Variants in RNFT2 observed in about 807,000 individuals in gnomAD.
RNFT2 encodes the protein E3 ubiquitin-protein ligase RNFT2.
In RNFT2, 36 loss-of-function variants were observed where a neutral mutation model predicts 53.0. The observed-to-expected ratio is 0.68, with a 90% CI of 0.52 to 0.90. The LOEUF (loss-of-function observed/expected upper bound fraction) is 0.90, where lower values mean the gene tolerates loss of function less well. Ranked by LOEUF, RNFT2 falls within the 40% of genes least tolerant of loss-of-function variation. The pLI is 0.00. For synonymous variants in RNFT2, 260 were observed against 253.2 expected, an observed-to-expected ratio of 1.03 and a Z score of -0.26; for missense variants, 514 against 585.6, an observed-to-expected ratio of 0.88 and a Z score of 1.26.
chr12:116,775,666 A>G (rs904825544), intron 6 of RNFT2, among the ~76,000 whole-genome samples: 4 of 152,266 alleles, frequency 2.6e-5, no homozygotes, highest in African/African-American at 9.6e-5. Flanking sequence ...GGAAGGCCAC[A>G]TGTCATAAGA....
At chr12:116,833,295 C>T (rs767647691) in intron 7 of RNFT2, among the ~76,000 whole-genome samples, 10 of 152,180 alleles carry the variant, frequency 6.6e-5, no homozygotes, top group Non-Finnish European at 1.3e-4. Flanking sequence ...AGGAAGGACA[C>T]GTATCTCCCC....
intron 5 of RNFT2, among the ~76,000 whole-genome samples, chr12:116,765,796 G>A (rs1395261184): frequency 6.6e-6 from 1 of 152,134 alleles, no homozygotes; most frequent in Non-Finnish European, 1.5e-5. Flanking sequence ...TATAAGCTTG[G>A]ATTTAATTCT....
intron 7 of RNFT2, among the ~76,000 whole-genome samples, chr12:116,799,279 C>G (rs1368928048): frequency 2.0e-5 from 3 of 152,218 alleles, no homozygotes; most frequent in African/African-American, 7.2e-5. Context: ...ATTTCTCTGA[C>G]TTCCTTTTCC....
chr12:116,759,282 T>A (rs575787105), intron 5 of RNFT2, among the ~76,000 whole-genome samples: 1 of 152,246 alleles, frequency 6.6e-6, no homozygotes, highest in African/African-American at 2.4e-5. Flanking sequence ...TATTTTGGAA[T>A]TCGTTGCACT....
rs2018152 is a variant in RNFT2 at position 116,851,609 on chromosome 12, G to A, written c.*2161G>A. The A allele has an allele frequency of 0.17, 103,803 of 599,830 alleles. 10,748 individuals are homozygous for A. The highest frequency in any genetic ancestry group is 0.36 in the East Asian group (13,048 of 36,226). The allele number at this position is 599,830 out of a possible 1,614,324, so 37.2% of individuals were successfully genotyped here. A position where few individuals can be genotyped will look rare whatever the true frequency, so the allele number is the denominator to read the frequency against. ...ACAAAAATTAGCCGGGCGCGGTGGC[G>A]GGTGCCTGTAATCCCAGCTACTCAG... is the stretch of plus-strand genomic sequence containing the variant. On this transcript the variant is annotated 3_prime_UTR_variant, in exon 11 of 11. Transcript: ENST00000257575.
chr12:116,778,889 A>C (rs568404875), intron 6 of RNFT2, among the ~76,000 whole-genome samples: 31 of 152,288 alleles, frequency 2.0e-4, no homozygotes, highest in African/African-American at 7.0e-4. Flanking sequence ...TTTCCTCTAT[A>C]AGTTACCCAG....
chr12:116,819,224 G>C (rs919931772), intron 7 of RNFT2, among the ~76,000 whole-genome samples: 8 of 152,228 alleles, frequency 5.3e-5, no homozygotes, highest in African/African-American at 1.4e-4. Context: ...CCAAATAAGA[G>C]AGCGGGGAGT....
chr12:116,775,770 C>T (rs774984251), intron 6 of RNFT2, among the ~76,000 whole-genome samples: 8 of 152,236 alleles, frequency 5.3e-5, no homozygotes, highest in Non-Finnish European at 7.3e-5. Flanking sequence ...AGGCTGGGCA[C>T]AGTGGCTCAC....
intron 5 of RNFT2, chr12:116,755,846 C>T (rs1872485343): frequency 1.3e-6 from 2 of 1,569,112 alleles, no homozygotes; most frequent in South Asian, 2.2e-5. Flanking sequence ...ATATCGGGTG[C>T]CTCTCCTCTT....
intron 6 of RNFT2, among the ~76,000 whole-genome samples, chr12:116,775,294 C>T (rs560798962): frequency 7.8e-6 from 1 of 127,980 alleles, no homozygotes; most frequent in South Asian, 2.7e-4. Context: ...GAGAGAAGAG[C>T]AACATAGCTG....
At position 116,833,891 on chromosome 12, in the gene RNFT2, A is replaced by G; in HGVS notation, c.982A>G (p.Asn328Asp). The G allele has an allele frequency of 3.7e-6, 6 of 1,613,140 alleles. No individual in the cohort carries two copies. Among genetic ancestry groups the G allele is most frequent in the Non-Finnish European group, 5.1e-6 (6 of 1,179,580 alleles). ...YKYIMGDDSSNSYFLGGVLIV... is the reference protein window; with the variant it reads ...YKYIMGDDSSDSYFLGGVLIV... ...ATACATCATGGGTGACGACTCCTCC[A>G]ACAGCTACTTCCTGGGCGGGGTCCT... The change falls in exon 8 of 11, where the codon AAC (asparagine) becomes GAC (aspartate). Residue 328 changes from asparagine to aspartate, a missense_variant. By Grantham distance (23) the Asn-to-Asp change is conservative (BLOSUM62 1). This residue lies in a region of RNFT2 where 273 missense variants were observed against 334.4 expected (regional missense o/e 0.82). Transcript: ENST00000257575.
intron 7 of RNFT2, among the ~76,000 whole-genome samples, chr12:116,819,099 A>T (rs1266451480): frequency 6.6e-6 from 1 of 152,020 alleles, no homozygotes; most frequent in Non-Finnish European, 1.5e-5. Context: ...AACTTCCTTC[A>T]CTCAGTGGCT....
At chr12:116,820,038 T>G (rs989585541) in intron 7 of RNFT2, among the ~76,000 whole-genome samples, 1 of 152,246 alleles carries the variant, frequency 6.6e-6, no homozygotes, top group Non-Finnish European at 1.5e-5. Context: ...CCTTTTGTTG[T>G]TTTTCTAAGA....
chr12:116,852,016 A>T lies in RNFT2; in HGVS notation c.*2568A>T. ...CCAGGGTAGTGGCATGGAGCACCGT[A>T]ACCATCTGTGCTTCTGTGATCTCTA... On this transcript the variant is annotated 3_prime_UTR_variant, in exon 11 of 11. Transcript: ENST00000257575. 1 of 1,349,732 alleles carries T rather than the reference A, an allele frequency of 7.4e-7. No individual in the cohort carries two copies. The highest frequency in any genetic ancestry group is 2.5e-5 in the East Asian group (1 of 40,098). 83.6% of individuals were successfully genotyped at this position (1,349,732 alleles called of 1,614,324 possible).
At chr12:116,848,750 G>C (rs1407703819) in intron 10 of RNFT2, among the ~76,000 whole-genome samples, 2 of 152,120 alleles carry the variant, frequency 1.3e-5, no homozygotes, top group Non-Finnish European at 2.9e-5. Context: ...TCTCCGTAAA[G>C]TTGTCCTTAA....
intron 7 of RNFT2, among the ~76,000 whole-genome samples, chr12:116,802,497 A>G (rs1190565312): frequency 5.9e-5 from 9 of 152,104 alleles, no homozygotes; most frequent in Non-Finnish European, 1.5e-5. Flanking sequence ...ATCTTAAAAT[A>G]TTTACTGTCT....
intron 7 of RNFT2, among the ~76,000 whole-genome samples, chr12:116,826,773 C>T (rs1183506449): frequency 6.6e-6 from 1 of 152,240 alleles, no homozygotes; most frequent in Non-Finnish European, 1.5e-5. Context: ...TCTTCAGCTT[C>T]AAGAGGTCCT....
chr12:116,816,278 G>A (rs1875662557), intron 7 of RNFT2, among the ~76,000 whole-genome samples: 1 of 152,148 alleles, frequency 6.6e-6, no homozygotes, highest in South Asian at 2.1e-4. Context: ...CCTGTTCATG[G>A]GGCCGATGCT....
intron 7 of RNFT2, among the ~76,000 whole-genome samples, chr12:116,824,576 C>T (rs1409643003): frequency 1.3e-5 from 2 of 152,170 alleles, no homozygotes; most frequent in African/African-American, 4.8e-5. Context: ...CACCAGCCAT[C>T]ACATCCAAGT....
Sources: gnomAD v4.1 joint callset for allele counts (sites outside exome capture counted in the v4.1 genomes callset) on GRCh38, gnomAD v4.1.1 for gene constraint, gnomAD v4.1.1 regional missense constraint, MANE v1.5 for transcripts, NCBI Gene and HGNC (gene_info 2026-07-23, HGNC 2026-07-21) for gene names.